Variants in CFAP54 observed in about 807,000 individuals in gnomAD.
CFAP54 encodes cilia and flagella associated protein 54.
CFAP54 carries 290 observed loss-of-function variants against 370.4 expected under a neutral mutation model. The ratio of observed to expected loss-of-function variants is 0.78; its 90% CI spans 0.71 to 0.86. CFAP54 has a LOEUF of 0.86. Ranked by LOEUF, CFAP54 falls within the 40% of genes least tolerant of loss-of-function variation. The pLI, the probability that CFAP54 is intolerant of heterozygous loss-of-function variation, is 0.00. For missense variants in CFAP54, 3,399 were observed against 3,528.7 expected, an observed-to-expected ratio of 0.96 and a Z score of 0.93; for synonymous variants, 1,206 against 1,236.5, an observed-to-expected ratio of 0.98 and a Z score of 0.52.
At chr12:96,778,869 A>G (rs545379905) in intron 60 of CFAP54, among the ~76,000 whole-genome samples, 2 of 152,172 alleles carry the variant, frequency 1.3e-5, no homozygotes, top group Non-Finnish European at 2.9e-5. Flanking sequence ...GCACATTGGG[A>G]GTCTGAGGTG....
Position 96,808,755 on chromosome 12 carries a change from G to A in CFAP54, c.8851-2981G>A, listed in dbSNP as rs1958905268. Among the ~76,000 whole-genome samples the A allele has an allele frequency of 1.3e-5, 2 of 152,136 alleles. 1 individual carries two copies. Among genetic ancestry groups the A allele is most frequent in the Non-Finnish European group, 2.9e-5 (2 of 68,010 alleles). On this transcript the variant is annotated intron_variant, in intron 63 of 67. Coordinates refer to ENST00000524981, the MANE Select transcript of CFAP54 (RefSeq NM_001306084.2). ...TTTCTATAAAAAATGCAGACCAGAT[G>A]TTATAGGCTGCTCCCTGGTGTGTTT...
rs79501447 is a variant in CFAP54, at chr12:96,553,194, A to G, written c.2155-988A>G. 6.4e-3 allele frequency among the ~76,000 whole-genome samples: 979 copies of G among 152,246 alleles called. 30 individuals carry two copies. The highest frequency in any genetic ancestry group is 0.045 in the Admixed American group (685 of 15,286). ...TGTATTAAGTCTTCTTTTGCTTGAA[A>G]TATGTAGCGTAGTTTTGTGTTCATA... On this transcript the variant is annotated intron_variant, in intron 15 of 67. Coordinates refer to ENST00000524981, the MANE Select transcript of CFAP54 (RefSeq NM_001306084.2).
At chr12:96,845,895 A>G (rs952891626) in intron 66 of CFAP54, among the ~76,000 whole-genome samples, 1 of 152,244 alleles carries the variant, frequency 6.6e-6, no homozygotes, top group Admixed American at 6.5e-5. Flanking sequence ...TCTTTAATGT[A>G]GAAGGAAGGA....
chr12:96,828,678 G>A (rs1344403897), intron 65 of CFAP54, among the ~76,000 whole-genome samples: 1 of 152,046 alleles, frequency 6.6e-6, no homozygotes, highest in African/African-American at 2.4e-5. Context: ...CTCTTCCCCT[G>A]TCTTCCATAA....
At chr12:96,536,624 T>TCC (rs1955507349) in intron 12 of CFAP54, among the ~76,000 whole-genome samples, 1 of 113,920 alleles carries the variant, frequency 8.8e-6, no homozygotes, top group Non-Finnish European at 1.9e-5. Context: ...CTTTTTCTTT[T>TCC]TCTTTTTTTT....
intron 29 of CFAP54, 77 bp downstream of exon 29, chr12:96,625,884 G>A (rs1956544995): frequency 8.7e-7 from 1 of 1,149,894 alleles, no homozygotes; most frequent in Non-Finnish European, 1.2e-6. Context: ...TTTTGTTTCT[G>A]TTGTCTGCTT....
intron 50 of CFAP54, among the ~76,000 whole-genome samples, chr12:96,735,942 A>G (rs1368470256): frequency 6.6e-5 from 10 of 152,206 alleles, no homozygotes; most frequent in African/African-American, 2.2e-4. Context: ...AAGACACAAA[A>G]CAAAGGAAAA....
chr12:96,752,364 T>G (rs1475820470), intron 55 of CFAP54, among the ~76,000 whole-genome samples: 1 of 152,138 alleles, frequency 6.6e-6, no homozygotes, highest in African/African-American at 2.4e-5. Context: ...ATTTCAATCA[T>G]TTTTTCAGAG....
chr12:96,682,381 T>A (rs1337841838), intron 40 of CFAP54: 1 of 931,622 alleles, frequency 1.1e-6, no homozygotes, highest in African/African-American at 1.8e-5. Flanking sequence ...AATTTTTTTT[T>A]TTTTGAGACG....
Position 96,489,652 on chromosome 12 carries a change from T to C in CFAP54, c.43T>C (p.Ser15Pro), listed in dbSNP as rs1406451138. Residue 15 changes from serine to proline, a missense_variant, in exon 1 of 68, where the codon TCT becomes CCT. Ser to Pro is a moderately conservative substitution (Grantham distance 74). This residue lies in a region of CFAP54 where 559 missense variants were observed against 576.7 expected (regional missense o/e 0.97). Transcript: ENST00000524981. ...GSPSSSPSDDSTTSGSLPELP... is the reference protein window; with the variant it reads ...GSPSSSPSDDPTTSGSLPELP... ...CCCCTCGAGCTCTCCGTCAGACGAC[T>C]CTACCACCTCGGGGTCTCTGCCAGA... is the stretch of plus-strand genomic sequence containing the variant. 2 of 1,533,310 alleles carry C rather than the reference T, an allele frequency of 1.3e-6. No individual in the cohort carries two copies. The highest frequency in any genetic ancestry group is 3.9e-5 in the Admixed American group (2 of 50,930). The allele number at this position is 1,533,310 out of a possible 1,614,324, so 95.0% of individuals were successfully genotyped here. A position where few individuals can be genotyped will look rare whatever the true frequency, so the allele number is the denominator to read the frequency against.
chr12:96,745,223 C>G (rs1337917014), intron 55 of CFAP54, among the ~76,000 whole-genome samples: 1 of 152,176 alleles, frequency 6.6e-6, no homozygotes, highest in Non-Finnish European at 1.5e-5. Context: ...ATTGCTGGGT[C>G]AAATGGTATT....
At chr12:96,841,609 C>T (rs769466371) in intron 66 of CFAP54, among the ~76,000 whole-genome samples, 4 of 152,184 alleles carry the variant, frequency 2.6e-5, no homozygotes, top group Admixed American at 1.3e-4. Flanking sequence ...GAGATTTTTG[C>T]ATCTATTCCA....
intron 32 of CFAP54, 34 bp downstream of exon 32, chr12:96,630,685 A>C: frequency 7.6e-7 from 1 of 1,319,268 alleles, no homozygotes; most frequent in Non-Finnish European, 1.0e-6. Context: ...ATAAAAGTTT[A>C]CTTGAGGGTA....
intron 39 of CFAP54, among the ~76,000 whole-genome samples, chr12:96,669,845 T>C (rs1957124291): frequency 6.6e-6 from 1 of 152,066 alleles, no homozygotes; most frequent in African/African-American, 2.4e-5. Flanking sequence ...GTATTGGTGG[T>C]GGTTGAAGTC....
At chr12:96,646,951 A>C (rs867869077) in intron 33 of CFAP54, 3 of 152,224 alleles carry the variant, frequency 2.0e-5, no homozygotes, top group African/African-American at 7.2e-5. Context: ...GGGGCCTGTT[A>C]TGGGGTGGTG....
chr12:96,582,921 C>T lies in CFAP54; in HGVS notation c.3075+1816C>T, dbSNP rs575101300. On this transcript the variant is annotated intron_variant, in intron 22 of 67. Transcript: ENST00000524981. The stretch of plus-strand genomic sequence containing the variant: ...AACTTAAGTTTAAGCTTTTAAGTTT[C>T]AGCAAGTTAATGTACCTCTATTTTG... Among the ~76,000 whole-genome samples, 9 of 152,270 alleles carry T rather than the reference C, an allele frequency of 5.9e-5. No homozygotes were observed. In the East Asian group the frequency reaches 1.2e-3, roughly 20 times the overall value.
At chr12:96,517,075 A>T (rs1955244462) in intron 5 of CFAP54, among the ~76,000 whole-genome samples, 1 of 150,974 alleles carries the variant, frequency 6.6e-6, no homozygotes, top group African/African-American at 2.4e-5. Flanking sequence ...AGAAACAATT[A>T]TTTGTAGCTT....
chr12:96,508,126 CTTTTTTTT>C, intron 4 of CFAP54, among the ~76,000 whole-genome samples: 1 of 112,212 alleles, frequency 8.9e-6, no homozygotes, highest in East Asian at 2.6e-4. Context: ...CAAACATAGT[CTTTTTTTT>C]TTTTTTTTTT....
chr12:96,546,349 A>G (rs1208104364), intron 14 of CFAP54, among the ~76,000 whole-genome samples: 2 of 152,182 alleles, frequency 1.3e-5, no homozygotes, highest in Admixed American at 6.5e-5. Context: ...GAAAGCAGGG[A>G]AAAATAGTTT....
Sources: gnomAD v4.1 joint callset for allele counts (sites outside exome capture counted in the v4.1 genomes callset) on GRCh38, gnomAD v4.1.1 for gene constraint, gnomAD v4.1.1 regional missense constraint, MANE v1.5 for transcripts, NCBI Gene and HGNC (gene_info 2026-07-23, HGNC 2026-07-21) for gene names.